Variants in PROM1 observed in about 807,000 individuals in gnomAD.
The protein encoded by PROM1 is prominin 1, also known as prominin-1.
Under a neutral mutation model 116.9 loss-of-function variants are expected in PROM1, and 105 were observed. The observed-to-expected ratio is 0.90, with a 90% CI of 0.77 to 1.06. PROM1 has a LOEUF of 1.06. PROM1 is among the 50% of genes least tolerant of loss of function. The pLI is 0.00. For missense variants in PROM1, 1,122 were observed against 1,045.2 expected (o/e 1.07, Z -1.01); for synonymous variants, 393 against 387.0 (o/e 1.02, Z -0.18).
chr4:16,016,386 A>AT (rs1169097178), intron 9 of PROM1, 146 bp from the exon 10 acceptor site: 1 of 676,144 alleles, frequency 1.5e-6, no homozygotes, highest in East Asian at 3.0e-5. Flanking sequence ...ATAGAGTTTT[A>AT]TTTCGGAAAA....
At chr4:15,972,016 C>G (rs1386149107) in intron 26 of PROM1, 1 of 152,226 alleles carries the variant, frequency 6.6e-6, no homozygotes, top group Non-Finnish European at 1.5e-5. Context: ...TCACCAGGAC[C>G]TGGAGCTGAA....
At chr4:15,974,630 TA>T (rs1315958867) in intron 26 of PROM1, among the ~76,000 whole-genome samples, 1 of 152,126 alleles carries the variant, frequency 6.6e-6, no homozygotes, top group Non-Finnish European at 1.5e-5. Flanking sequence ...GTTCTTACAT[TA>T]AATAATTTTT....
chr4:16,038,095 G>C (rs918772164), intron 3 of PROM1: 3 of 152,146 alleles, frequency 2.0e-5, no homozygotes, highest in African/African-American at 7.2e-5. Context: ...CTCTGCCCTT[G>C]TATGATCCTT....
intron 11 of PROM1, among the ~76,000 whole-genome samples, chr4:16,011,198 G>A (rs1480682839): frequency 9.2e-5 from 14 of 152,030 alleles, no homozygotes; most frequent in Admixed American, 8.5e-4. Context: ...AACCTCTCTC[G>A]ATGTCCCCTT....
At chr4:16,060,026 A>C (rs374487292) in intron 2 of PROM1, among the ~76,000 whole-genome samples, 6 of 152,318 alleles carry the variant, frequency 3.9e-5, no homozygotes, top group African/African-American at 1.4e-4. Context: ...ACAAGACCAT[A>C]TACACATGTT....
At chr4:16,046,777 T>C (rs1040349654) in intron 2 of PROM1, among the ~76,000 whole-genome samples, 1 of 152,172 alleles carries the variant, frequency 6.6e-6, no homozygotes, top group Non-Finnish European at 1.5e-5. Context: ...GGAATCACAC[T>C]GTCTACACAG....
intron 2 of PROM1, among the ~76,000 whole-genome samples, chr4:16,053,042 A>C (rs1224724595): frequency 1.3e-5 from 2 of 152,248 alleles, no homozygotes; most frequent in Admixed American, 6.5e-5. Context: ...ATATTTGAGA[A>C]ATGTAAATAT....
In PROM1 at chr4:15,992,407, G is replaced by A. The variant is rs1405763627; in HGVS notation, c.1768-16C>T. On this transcript the variant is annotated splice_polypyrimidine_tract_variant and intron_variant, in intron 16 of 27. Coordinates refer to ENST00000447510, the MANE Select transcript of PROM1 (RefSeq NM_006017.3). ...TTCCAGTATGCTGCGAAAAAAGGAA[G>A]TTACAAATCAGTCCCTTATTCTCCA... The A allele has an allele frequency of 4.3e-6, 7 of 1,610,448 alleles. No homozygotes were observed. The highest frequency in any genetic ancestry group is 1.7e-5 in the Admixed American group (1 of 59,628).
intron 2 of PROM1, among the ~76,000 whole-genome samples, chr4:16,049,914 A>T (rs1737454856): frequency 6.6e-6 from 1 of 152,104 alleles, no homozygotes; most frequent in African/African-American, 2.4e-5. Context: ...GTCCCCACAC[A>T]ATATGTGTAA....
chr4:16,065,915 A>C (rs566705834), intron 2 of PROM1, among the ~76,000 whole-genome samples: 61 of 152,298 alleles, frequency 4.0e-4, no homozygotes, highest in Non-Finnish European at 7.6e-4. Context: ...ATCATCCTGG[A>C]CTTGGGGTAG....
chr4:15,974,985 G>A (rs933661081), intron 26 of PROM1, among the ~76,000 whole-genome samples: 6 of 152,200 alleles, frequency 3.9e-5, no homozygotes, highest in Admixed American at 6.5e-5. Context: ...AGCCCAGTTG[G>A]TGTCATCAAT....
intron 23 of PROM1, among the ~76,000 whole-genome samples, chr4:15,983,862 TGGAACTTACCATCCCAATA>T (rs1452462966): frequency 4.5e-4 from 69 of 152,332 alleles, no homozygotes; most frequent in African/African-American, 1.6e-3. Context: ...CCTGACTAAC[TGGAACTTACCATCCCAATA>T]GTCACATTTC....
At position 16,036,341 on chromosome 4, in the gene PROM1, A is replaced by C. The variant is rs554025039; in HGVS notation, c.277-580T>G. On this transcript the variant is annotated intron_variant, in intron 3 of 27. Coordinates refer to ENST00000447510, the MANE Select transcript of PROM1 (RefSeq NM_006017.3). ...AATATTCTGGTCCAGGAAATCTAAA[A>C]GTGTAGAAACTATTGCCTCAGCTGG... Among the ~76,000 whole-genome samples, 26 of 152,356 alleles carry C rather than the reference A, an allele frequency of 1.7e-4. No individual in the cohort carries two copies. In the South Asian group the frequency reaches 4.8e-3, roughly 28 times the overall value.
At chr4:16,057,422 A>G (rs1169831085) in intron 2 of PROM1, among the ~76,000 whole-genome samples, 1 of 152,256 alleles carries the variant, frequency 6.6e-6, no homozygotes, top group Non-Finnish European at 1.5e-5. Context: ...TCAAATCATA[A>G]TTCGGGAACT....
chr4:16,007,008 T>C (rs1000374859), intron 12 of PROM1, among the ~76,000 whole-genome samples: 1 of 152,186 alleles, frequency 6.6e-6, no homozygotes, highest in African/African-American at 2.4e-5. Flanking sequence ...ACACTGAGCT[T>C]CTCCAAGGCT....
chr4:16,029,339 T>C (rs566080719), intron 5 of PROM1, among the ~76,000 whole-genome samples: 2 of 148,546 alleles, frequency 1.3e-5, no homozygotes, highest in South Asian at 4.3e-4. Flanking sequence ...CTTAGAAACA[T>C]ACAAAGGAAG....
chr4:16,047,208 C>T (rs1736752738), intron 2 of PROM1, among the ~76,000 whole-genome samples: 2 of 151,972 alleles, frequency 1.3e-5, no homozygotes, highest in South Asian at 2.1e-4. Flanking sequence ...AAGGGTACTG[C>T]CTTTCTTTTT....
intron 2 of PROM1, among the ~76,000 whole-genome samples, chr4:16,043,040 T>C (rs1488418487): frequency 6.6e-6 from 1 of 152,276 alleles, no homozygotes; most frequent in Admixed American, 6.5e-5. Flanking sequence ...ATTATCGTTC[T>C]TTTTAAATGA....
intron 20 of PROM1, 142 bp downstream of exon 20, chr4:15,987,521 G>T: frequency 1.2e-6 from 1 of 852,608 alleles, no homozygotes; most frequent in Non-Finnish European, 1.9e-6. Context: ...TAGTAGGAAA[G>T]CCCAATTTGC....
Sources: gnomAD v4.1 joint callset for allele counts (sites outside exome capture counted in the v4.1 genomes callset) on GRCh38, gnomAD v4.1.1 for gene constraint, MANE v1.5 for transcripts, NCBI Gene and HGNC (gene_info 2026-07-23, HGNC 2026-07-21) for gene names.